Variants in UGT1A10 observed in about 807,000 individuals in gnomAD.
UGT1A10 encodes the protein UDP glucuronosyltransferase family 1 member A10.
A neutral mutation model predicts 45.8 loss-of-function variants in UGT1A10; 49 were observed. That is an observed-to-expected ratio of 1.07 (90% CI 0.85 to 1.36). The LOEUF (loss-of-function observed/expected upper bound fraction) is 1.36, where lower values mean the gene tolerates loss of function less well. UGT1A10 is among the 40% of genes most tolerant of loss of function. UGT1A10 has a pLI of 0.00. For missense variants in UGT1A10, 745 were observed against 668.6 expected (o/e 1.11, Z -1.26); for synonymous variants, 284 against 249.7 (o/e 1.14, Z -1.29).
intron 1 of UGT1A10, among the ~76,000 whole-genome samples, chr2:233,650,991 G>A (rs1474839330): frequency 6.6e-6 from 1 of 152,070 alleles, no homozygotes; most frequent in Non-Finnish European, 1.5e-5. Context: ...CTCACACATC[G>A]GCAGCTGTTT....
chr2:233,659,200 G>A lies in UGT1A10; in HGVS notation c.855+21823G>A, dbSNP rs117317834. Among the ~76,000 whole-genome samples, 42 of 152,176 alleles carry A rather than the reference G, an allele frequency of 2.8e-4. 2 individuals are homozygous for A. The East Asian group carries it at 8.1e-3, about 29-fold the overall frequency. ...GTTAAGTGGTATTTTCATTCAATTT[G>A]CAATTGTTCATTGCTAGTACAGTTG... On this transcript the variant is annotated intron_variant, in intron 1 of 4. Transcript: ENST00000344644.
At position 233,636,626 on chromosome 2, in the gene UGT1A10, G is replaced by A; in HGVS notation, c.104G>A (p.Gly35Glu). 1 of 1,614,144 alleles carries A rather than the reference G, an allele frequency of 6.2e-7. No individual in the cohort carries two copies. Among genetic ancestry groups the A allele is most frequent in the South Asian group, 1.1e-5 (1 of 91,076 alleles). Residue 35 changes from glycine (G) to glutamate (E), a missense_variant, in exon 1 of 5, where the codon GGG becomes GAG. Physicochemically the swap from Gly to Glu is moderately conservative, Grantham distance 98 (BLOSUM62 -2). Coordinates refer to ENST00000344644, the MANE Select transcript of UGT1A10 (RefSeq NM_019075.4). The stretch of plus-strand genomic sequence containing the variant: ...AAGCTGCTGGTAGTGCCCATGGATG[G>A]GAGTCACTGGTTCACCATGCAGTCG... ...AGKLLVVPMDGSHWFTMQSVV... is the reference protein window; with the variant it reads ...AGKLLVVPMDESHWFTMQSVV...
intron 1 of UGT1A10, among the ~76,000 whole-genome samples, chr2:233,726,247 G>C (rs1198671452): frequency 6.6e-6 from 1 of 152,198 alleles, no homozygotes; most frequent in Non-Finnish European, 1.5e-5. Flanking sequence ...AATATGAAAA[G>C]CTGGGTGCAG....
intron 1 of UGT1A10, among the ~76,000 whole-genome samples, chr2:233,656,300 C>T (rs536583369): frequency 5.7e-4 from 86 of 152,194 alleles, no homozygotes; most frequent in Non-Finnish European, 9.3e-4. Context: ...TCACAGTCTC[C>T]GTAAACTGGC....
intron 1 of UGT1A10, among the ~76,000 whole-genome samples, chr2:233,667,093 A>G (rs535452616): frequency 6.6e-6 from 1 of 152,320 alleles, no homozygotes; most frequent in Non-Finnish European, 1.5e-5. Flanking sequence ...TATTGTGAAT[A>G]GTGCTGCAAT....
chr2:233,690,192 A>T (rs1459130504), intron 1 of UGT1A10, among the ~76,000 whole-genome samples: 1 of 152,240 alleles, frequency 6.6e-6, no homozygotes, highest in Admixed American at 6.5e-5. Flanking sequence ...TTCATAAAAT[A>T]TTCATAAATT....
chr2:233,700,602 CT>C (rs1319964954), intron 1 of UGT1A10, among the ~76,000 whole-genome samples: 2 of 151,936 alleles, frequency 1.3e-5, no homozygotes, highest in Middle Eastern at 3.2e-3. Context: ...ACAATTCACT[CT>C]TTTTTTGGGG....
At chr2:233,691,665 G>C (rs1350130667) in intron 1 of UGT1A10, 10 of 981,466 alleles carry the variant, frequency 1.0e-5, no homozygotes, top group African/African-American at 1.8e-5. Flanking sequence ...CCCTTTCTGG[G>C]CCTCAGTTGA....
chr2:233,671,876 A>G, intron 1 of UGT1A10: 2 of 1,531,494 alleles, frequency 1.3e-6, no homozygotes, highest in Non-Finnish European at 1.8e-6. Flanking sequence ...TATTTCTCCC[A>G]CCTACTGTAT....
At chr2:233,758,716 G>T (rs905449123) in intron 1 of UGT1A10, among the ~76,000 whole-genome samples, 10 of 152,140 alleles carry the variant, frequency 6.6e-5, no homozygotes, top group African/African-American at 2.4e-4. Context: ...GTTTCTCTAT[G>T]ATCCTCTAAG....
chr2:233,738,398 A>G (rs1690780293), intron 1 of UGT1A10, among the ~76,000 whole-genome samples: 1 of 152,236 alleles, frequency 6.6e-6, no homozygotes, highest in African/African-American at 2.4e-5. Context: ...AGTGACTTGG[A>G]ACTGGGTAAC....
At chr2:233,736,991 G>A (rs1181891962) in intron 1 of UGT1A10, among the ~76,000 whole-genome samples, 1 of 152,206 alleles carries the variant, frequency 6.6e-6, no homozygotes, top group Non-Finnish European at 1.5e-5. Flanking sequence ...GATACACAGA[G>A]GTCAGGGACC....
At chr2:233,679,142 A>C (rs533337992) in intron 1 of UGT1A10, among the ~76,000 whole-genome samples, 1 of 152,154 alleles carries the variant, frequency 6.6e-6, no homozygotes, top group Non-Finnish European at 1.5e-5. Flanking sequence ...TGAGAGACTG[A>C]ATTAGAGATG....
intron 1 of UGT1A10, among the ~76,000 whole-genome samples, chr2:233,674,314 A>G (rs1464038618): frequency 6.6e-6 from 1 of 152,202 alleles, no homozygotes; most frequent in Non-Finnish European, 1.5e-5. Flanking sequence ...TCTTCACAAG[A>G]CTAGGCTAGG....
At chr2:233,680,785 G>C (rs1445386973) in intron 1 of UGT1A10, among the ~76,000 whole-genome samples, 1 of 152,114 alleles carries the variant, frequency 6.6e-6, no homozygotes, top group Admixed American at 6.5e-5. Flanking sequence ...AAGTGATTGG[G>C]GTGGGCCCAT....
chr2:233,690,371 T>C, intron 1 of UGT1A10: 1 of 873,752 alleles, frequency 1.1e-6, no homozygotes, highest in Non-Finnish European at 1.6e-6. Context: ...AACCTCTCCA[T>C]AGGGTCCACG....
chr2:233,728,748 G>A (rs2077747178), intron 1 of UGT1A10, among the ~76,000 whole-genome samples: 1 of 152,206 alleles, frequency 6.6e-6, no homozygotes, highest in African/African-American at 2.4e-5. Flanking sequence ...TAGGGCAATG[G>A]TGACTCCTCA....
chr2:233,757,568 A>ATATATATATATATATATATATG, intron 1 of UGT1A10, among the ~76,000 whole-genome samples: 1 of 142,136 alleles, frequency 7.0e-6, no homozygotes, highest in Non-Finnish European at 1.5e-5. Context: ...ATATGTATAT[A>ATATATATATATATATATATATG]TGATATAGCT....
chr2:233,672,186 G>A, intron 1 of UGT1A10: 1 of 1,614,184 alleles, frequency 6.2e-7, no homozygotes. Flanking sequence ...ATACCCTGGA[G>A]GATCTGGACC....
Sources: gnomAD v4.1 joint callset for allele counts (sites outside exome capture counted in the v4.1 genomes callset) on GRCh38, gnomAD v4.1.1 for gene constraint, MANE v1.5 for transcripts, NCBI Gene and HGNC (gene_info 2026-07-23, HGNC 2026-07-21) for gene names.